SP140: variants seen among roughly 807,000 people sequenced by gnomAD.
SP140 encodes SP140 nuclear body protein, also known as nuclear body protein SP140.
Under a neutral mutation model 125.0 loss-of-function variants are expected in SP140, and 81 were observed. The observed-to-expected ratio is 0.65, with a 90% confidence interval of 0.54 to 0.78. The LOEUF (loss-of-function observed/expected upper bound fraction) is 0.78. Ranked by LOEUF, SP140 falls within the 30% of genes least tolerant of loss-of-function variation. SP140 has a pLI of 0.00. For synonymous variants in SP140, 312 were observed against 354.0 expected, an observed-to-expected ratio of 0.88 and a Z score of 1.33; for missense variants, 858 against 1,037.0, an observed-to-expected ratio of 0.83 and a Z score of 2.37.
chr2:230,202,614 G>A (rs2043297051), upstream of SP140: 9 of 1,613,908 alleles, frequency 5.6e-6, no homozygotes, highest in South Asian at 4.4e-5. Context: ...TTCAGTTCTC[G>A]CCTTTTGGGC....
At chr2:230,300,775 C>T (rs2058216585) in intron 22 of SP140, among the ~76,000 whole-genome samples, 1 of 152,142 alleles carries the variant, frequency 6.6e-6, no homozygotes, top group South Asian at 2.1e-4. Flanking sequence ...CGTTAGCTCA[C>T]CAGCAATGGA....
chr2:230,305,659 C>A (rs1229711825), intron 22 of SP140, among the ~76,000 whole-genome samples: 2 of 152,226 alleles, frequency 1.3e-5, no homozygotes, highest in South Asian at 2.1e-4. Flanking sequence ...CACTTGCACA[C>A]GTAGCGTGGG....
At chr2:230,309,387 C>T (rs923078424) in intron 22 of SP140, among the ~76,000 whole-genome samples, 3 of 152,050 alleles carry the variant, frequency 2.0e-5, no homozygotes, top group Non-Finnish European at 2.9e-5. Context: ...GTCCTTCCCC[C>T]TCAGAGGTCG....
At chr2:230,195,558 G>A in the SP140 span, among the ~76,000 whole-genome samples, 1 of 152,070 alleles carries the variant, frequency 6.6e-6, no homozygotes, top group East Asian at 1.9e-4. Context: ...TTGAACTCCT[G>A]GACTCAAGTG....
intron 15 of SP140, among the ~76,000 whole-genome samples, chr2:230,277,780 A>C (rs1018317897): frequency 1.3e-5 from 2 of 152,162 alleles, no homozygotes; most frequent in Non-Finnish European, 1.5e-5. Context: ...TAAGAGATAT[A>C]ACACTGGTAG....
rs568900684 is a variant in SP140 at position 230,246,268 on chromosome 2, A to G, written c.742+328A>G. Among the ~76,000 whole-genome samples, 83 of 152,348 alleles carry G rather than the reference A, an allele frequency of 5.4e-4. 2 individuals carry two copies. The South Asian group carries it at 0.016, about 30-fold the overall frequency. Reference sequence around the variant, plus strand: ...GTTGGGGCTTTCCTGCATATAGGACATAGGGAAAGAGAGAGAGAAAGAAAA... The same window carrying G: ...GTTGGGGCTTTCCTGCATATAGGACGTAGGGAAAGAGAGAGAGAAAGAAAA... On this transcript the variant is annotated intron_variant, in intron 7 of 26. Transcript: ENST00000392045.
chr2:230,219,044 G>A (rs2045548923), intron 3 of SP140, among the ~76,000 whole-genome samples: 1 of 152,168 alleles, frequency 6.6e-6, no homozygotes, highest in Non-Finnish European at 1.5e-5. Context: ...GGCCAACATG[G>A]TGAAACCCTG....
At chr2:230,259,035 A>G (rs1184068897) in intron 12 of SP140, among the ~76,000 whole-genome samples, 1 of 152,122 alleles carries the variant, frequency 6.6e-6, no homozygotes, top group Non-Finnish European at 1.5e-5. Flanking sequence ...TGGCTCTTTG[A>G]TGTCTGTCAC....
intron 12 of SP140, among the ~76,000 whole-genome samples, chr2:230,259,805 A>C (rs187760104): frequency 0.021 from 2,138 of 101,964 alleles, 92 homozygotes; most frequent in African/African-American, 0.066. Context: ...TACCACATAC[A>C]TACATATATA....
chr2:230,247,540 C>T (rs114495475), intron 7 of SP140, among the ~76,000 whole-genome samples: 1,942 of 152,322 alleles, frequency 0.013, 30 homozygotes, highest in African/African-American at 0.035. Flanking sequence ...TCTAGACTCA[C>T]ATCTTTCCTC....
At chr2:230,292,839 A>G (rs771077582) in intron 20 of SP140, 51 bp downstream of exon 20, 10 of 1,609,054 alleles carry the variant, frequency 6.2e-6, no homozygotes, top group African/African-American at 1.3e-5. Context: ...TTCCCTAATA[A>G]TGAGGAGACT....
At chr2:230,301,675 A>G (rs1172360775) in intron 22 of SP140, among the ~76,000 whole-genome samples, 1 of 152,230 alleles carries the variant, frequency 6.6e-6, no homozygotes, top group Non-Finnish European at 1.5e-5. Flanking sequence ...ATACCAAAAT[A>G]GAACCCCCTA....
At chr2:230,307,980 T>TATATATATATAC (rs1391713608) in intron 22 of SP140, among the ~76,000 whole-genome samples, 1 of 96,086 alleles carries the variant, frequency 1.0e-5, no homozygotes, top group African/African-American at 3.9e-5. Context: ...TATATATATA[T>TATATATATATAC]ATATATATAT....
At chr2:230,253,716 A>G (rs551375990) in intron 11 of SP140, among the ~76,000 whole-genome samples, 1 of 152,302 alleles carries the variant, frequency 6.6e-6, no homozygotes, top group Admixed American at 6.5e-5. Context: ...GTTATTAAAA[A>G]CACATGAAAC....
At chr2:230,196,333 G>A in the SP140 span, among the ~76,000 whole-genome samples, 8 of 151,880 alleles carry the variant, frequency 5.3e-5, no homozygotes, top group African/African-American at 7.2e-5. Context: ...AACAAATTGC[G>A]GTGAATCATA....
At chr2:230,255,274 C>G (rs1449463173) in intron 11 of SP140, among the ~76,000 whole-genome samples, 178 bp from the exon 12 acceptor site, 1 of 152,196 alleles carries the variant, frequency 6.6e-6, no homozygotes, top group East Asian at 1.9e-4. Context: ...GTGGCAGCAA[C>G]TGGAGTGTGT....
chr2:230,236,506 T>C (rs1219346489), intron 1 of SP140, among the ~76,000 whole-genome samples: 2 of 152,214 alleles, frequency 1.3e-5, no homozygotes, highest in Non-Finnish European at 2.9e-5. Context: ...ATCTGTAGTG[T>C]GGGCCTGCTG....
intron 1 of SP140, chr2:230,212,617 C>A: frequency 8.3e-7 from 1 of 1,206,274 alleles, no homozygotes; most frequent in South Asian, 1.2e-5. Context: ...GCTCATAATC[C>A]CTCTTGAAAA....
chr2:230,265,036 A>G (rs1167744182), intron 12 of SP140, among the ~76,000 whole-genome samples: 2 of 151,932 alleles, frequency 1.3e-5, no homozygotes, highest in Non-Finnish European at 2.9e-5. Flanking sequence ...TCCTAAGGTT[A>G]TATGCCCTTT....
Sources: gnomAD v4.1 joint callset for allele counts (sites outside exome capture counted in the v4.1 genomes callset) on GRCh38, gnomAD v4.1.1 for gene constraint, MANE v1.5 for transcripts, NCBI Gene and HGNC (gene_info 2026-07-23, HGNC 2026-07-21) for gene names.